The following TENM2 variants were observed in gnomAD, a reference collection of about 807,000 sequenced individuals.
The protein encoded by TENM2 is teneurin transmembrane protein 2, also known as teneurin-2.
TENM2 carries 52 observed loss-of-function variants against 245.2 expected under a neutral mutation model. The ratio of observed to expected loss-of-function variants is 0.21; its 90% CI spans 0.17 to 0.27. TENM2 has a LOEUF of 0.27. TENM2 is among the 10% of genes least tolerant of loss of function. The pLI, the probability that TENM2 is intolerant of heterozygous loss-of-function variation, is 1.00. For missense variants in TENM2, 3,046 were observed against 3,666.8 expected (o/e 0.83, Z 4.37); for synonymous variants, 1,363 against 1,438.9 (o/e 0.95, Z 1.19).
chr5:168,057,093 A>G (rs1789609266), intron 6 of TENM2, among the ~76,000 whole-genome samples: 1 of 152,200 alleles, frequency 6.6e-6, no homozygotes, highest in Non-Finnish European at 1.5e-5. Context: ...GTACATATAT[A>G]TGAGTAAAAA....
At position 168,149,502 on chromosome 5, in the gene TENM2, G is replaced by A. The variant is rs1168024453; in HGVS notation, c.2423-13109G>A. 8 of 392,950 alleles carry A rather than the reference G, an allele frequency of 2.0e-5. No individual in the cohort carries two copies. In the African/African-American group the frequency reaches 3.6e-4, roughly 18 times the overall value. The allele number at this position is 392,950 out of a possible 1,614,324, so 24.3% of individuals were successfully genotyped here. On this transcript the variant is annotated intron_variant, in intron 12 of 28. Transcript: ENST00000518659. Reference sequence around the variant, plus strand: ...TGTCTCTAAAGCCTTCCCTTTCCGAGGCATGTTAGGAAAACAGAAACACAT... The same window carrying A: ...TGTCTCTAAAGCCTTCCCTTTCCGAAGCATGTTAGGAAAACAGAAACACAT...
intron 2 of TENM2, among the ~76,000 whole-genome samples, chr5:167,863,182 C>T (rs538202300): frequency 7.2e-5 from 11 of 152,248 alleles, no homozygotes; most frequent in African/African-American, 2.2e-4. Flanking sequence ...GGAAGGATTT[C>T]GTAAATTACA....
rs1050442545 is a variant in TENM2, at chr5:168,244,954, A to G, written c.5817+238A>G. ...CCGGCTAATTTTGTATTTTTAGTAG[A>G]GATGGGTTTCCCCACATTGGCCAGG... On this transcript the variant is annotated intron_variant, in intron 26 of 28. Coordinates refer to ENST00000518659, the Ensembl canonical transcript of TENM2. The surrounding 1 kb of genome is among the most constrained non-coding windows in gnomAD (Gnocchi z 4.9). Among the ~76,000 whole-genome samples, 1 of 151,972 alleles carries G rather than the reference A, an allele frequency of 6.6e-6. No homozygotes were observed. Among genetic ancestry groups the G allele is most frequent in the Non-Finnish European group, 1.5e-5 (1 of 67,978 alleles).
intron 2 of TENM2, among the ~76,000 whole-genome samples, chr5:167,423,838 A>G (rs530111906): frequency 9.9e-5 from 15 of 152,190 alleles, no homozygotes; most frequent in Admixed American, 3.9e-4. Context: ...TAGCTATTCT[A>G]TGATTCTCAT....
At chr5:167,435,026 GT>G (rs1477922708) in intron 2 of TENM2, among the ~76,000 whole-genome samples, 1 of 152,196 alleles carries the variant, frequency 6.6e-6, no homozygotes, top group Non-Finnish European at 1.5e-5. Flanking sequence ...TGCCAACGTA[GT>G]GGCAATATAT....
At chr5:168,019,127 G>A (rs2151898142) in intron 5 of TENM2, among the ~76,000 whole-genome samples, 1 of 152,270 alleles carries the variant, frequency 6.6e-6, no homozygotes, top group South Asian at 2.1e-4. Context: ...TTAAAGCCTG[G>A]GAAATCATGG....
At chr5:167,640,919 C>T (rs1277062265) in intron 2 of TENM2, among the ~76,000 whole-genome samples, 1 of 99,500 alleles carries the variant, frequency 1.0e-5, no homozygotes, top group African/African-American at 3.3e-5. Flanking sequence ...TTCTCTTAAG[C>T]TTAGTGGTTC....
chr5:167,385,202 A>G (rs1761345270), intron 2 of TENM2, among the ~76,000 whole-genome samples: 1 of 152,148 alleles, frequency 6.6e-6, no homozygotes, highest in South Asian at 2.1e-4. Context: ...AGGTTGATTA[A>G]TAGTTTCTTG....
Position 167,928,912 on chromosome 5 carries a change from AAAAG to A in TENM2, c.713-23673_713-23670del, listed in dbSNP as rs1470138980. The stretch of plus-strand genomic sequence containing the variant: ...CCCTGGCTCAAAAAAAAAAAAAAAA[AAAAG>A]AAGAAGAAAGAAGGAAAAAGAAAGA... On this transcript the variant is annotated intron_variant, in intron 3 of 28. Transcript: ENST00000518659. Among the ~76,000 whole-genome samples the A allele has an allele frequency of 6.6e-4, 96 of 146,514 alleles. 4 individuals are homozygous for A. The highest frequency in any genetic ancestry group is 2.5e-3 in the African/African-American group (96 of 39,096).
chr5:167,823,257 G>T (rs1234792393), intron 2 of TENM2, among the ~76,000 whole-genome samples: 3 of 152,094 alleles, frequency 2.0e-5, no homozygotes, highest in Non-Finnish European at 4.4e-5. Flanking sequence ...TTCATCAGAT[G>T]CTTAGAATGC....
At chr5:167,434,407 T>A (rs1764420993) in intron 2 of TENM2, among the ~76,000 whole-genome samples, 1 of 68,556 alleles carries the variant, frequency 1.5e-5, no homozygotes, top group Non-Finnish European at 2.5e-5. Flanking sequence ...TGAAAGACTC[T>A]ATCTCAAAAA....
chr5:167,050,784 G>A, the TENM2 span, among the ~76,000 whole-genome samples: 3 of 152,086 alleles, frequency 2.0e-5, no homozygotes, highest in Non-Finnish European at 4.4e-5. Context: ...GTGAACATTT[G>A]CCCAGTTCCA....
chr5:166,996,789 T>G, the TENM2 span, among the ~76,000 whole-genome samples: 1 of 152,210 alleles, frequency 6.6e-6, no homozygotes, highest in South Asian at 2.1e-4. Flanking sequence ...TACAGAGGAA[T>G]AGACTGAATT....
chr5:167,983,504 G>A (rs1318575067), intron 4 of TENM2, among the ~76,000 whole-genome samples: 4 of 152,108 alleles, frequency 2.6e-5, no homozygotes, highest in Non-Finnish European at 4.4e-5. Context: ...TGTTGTTCAC[G>A]GCATATGCAA....
chr5:167,553,357 C>T (rs143643783), intron 2 of TENM2, among the ~76,000 whole-genome samples: 180 of 152,304 alleles, frequency 1.2e-3, no homozygotes, highest in Middle Eastern at 3.4e-3. Context: ...AGGACCTAAA[C>T]TTTTGATAGT....
chr5:167,939,982 A>G (rs1273110167), intron 3 of TENM2, among the ~76,000 whole-genome samples: 1 of 152,244 alleles, frequency 6.6e-6, no homozygotes, highest in African/African-American at 2.4e-5. Flanking sequence ...GGTGTGTGGG[A>G]GGCCTCTGCT....
intron 2 of TENM2, among the ~76,000 whole-genome samples, chr5:167,763,103 C>T (rs202208213): frequency 6.6e-6 from 1 of 152,198 alleles, no homozygotes; most frequent in Non-Finnish European, 1.5e-5. Flanking sequence ...AATATTGGCA[C>T]TCAAAGTCAC....
At chr5:167,018,223 T>C in the TENM2 span, among the ~76,000 whole-genome samples, 3 of 152,286 alleles carry the variant, frequency 2.0e-5, no homozygotes, top group East Asian at 5.8e-4. Flanking sequence ...ACAATTCTTG[T>C]TACTCCAAAA....
intron 6 of TENM2, among the ~76,000 whole-genome samples, chr5:168,056,452 T>C (rs570964910): frequency 2.1e-4 from 32 of 152,316 alleles, no homozygotes; most frequent in African/African-American, 7.2e-4. Flanking sequence ...ATAAGGCCTA[T>C]AGATTACAGT....
Sources: gnomAD v4.1 joint callset for allele counts (sites outside exome capture counted in the v4.1 genomes callset) on GRCh38, gnomAD v4.1.1 for gene constraint, Gnocchi (gnomAD v3.1) non-coding constraint, MANE v1.5 for transcripts, NCBI Gene and HGNC (gene_info 2026-07-23, HGNC 2026-07-21) for gene names.